Variants in ZDHHC13 observed in about 807,000 individuals in gnomAD.
The protein encoded by ZDHHC13 is palmitoyltransferase ZDHHC13.
Under a neutral mutation model 86.0 loss-of-function variants are expected in ZDHHC13, and 85 were observed. That is an observed-to-expected ratio of 0.99 (90% CI 0.83 to 1.18). The LOEUF is 1.18. Among genes scored for constraint, ZDHHC13 ranks in the 50% most tolerant of loss-of-function variants. The probability of loss-of-function intolerance (pLI) is 0.00; values close to 1 mark genes in which losing one functional copy is unlikely to be tolerated. For synonymous variants in ZDHHC13, 263 were observed against 246.4 expected (o/e 1.07, Z -0.63); for missense variants, 711 against 730.2 (o/e 0.97, Z 0.30).
At chr11:19,163,546 T>C (rs1849971739) in intron 11 of ZDHHC13, 119 bp downstream of exon 11, 12 of 1,033,646 alleles carry the variant, frequency 1.2e-5, no homozygotes, top group East Asian at 3.2e-5. Flanking sequence ...TGGGGTGATA[T>C]AGCAAAAATT....
chr11:19,140,674 C>T (rs1215349760), intron 1 of ZDHHC13, among the ~76,000 whole-genome samples: 1 of 151,902 alleles, frequency 6.6e-6, no homozygotes. Flanking sequence ...CCCAAATGTC[C>T]AACAATGATA....
At chr11:19,137,986 A>T (rs1849193217) in intron 1 of ZDHHC13, among the ~76,000 whole-genome samples, 4 of 150,608 alleles carry the variant, frequency 2.7e-5, no homozygotes, top group Non-Finnish European at 6.0e-5. Flanking sequence ...ACACCCTAAC[A>T]TCACAATTAA....
At chr11:19,141,429 A>C (rs1418551942) in intron 1 of ZDHHC13, among the ~76,000 whole-genome samples, 2 of 152,182 alleles carry the variant, frequency 1.3e-5, no homozygotes, top group African/African-American at 4.8e-5. Flanking sequence ...GTCTTTGTTT[A>C]GGGGTATTAA....
intron 12 of ZDHHC13, 51 bp downstream of exon 12, chr11:19,164,414 A>T: frequency 6.5e-7 from 1 of 1,548,184 alleles, no homozygotes; most frequent in South Asian, 1.1e-5. Flanking sequence ...AGTCTTGGTA[A>T]CGTTGCTGAT....
At chr11:19,133,920 C>CATATATATATATATATATATATAT (rs1554961794) in intron 1 of ZDHHC13, among the ~76,000 whole-genome samples, 18 of 83,384 alleles carry the variant, frequency 2.2e-4, no homozygotes, top group South Asian at 9.5e-4. Flanking sequence ...GAAAGAAGTC[C>CATATATATATATATATATATATAT]ATATATATAT....
intron 1 of ZDHHC13, among the ~76,000 whole-genome samples, chr11:19,137,080 T>G (rs1212679556): frequency 2.6e-5 from 4 of 151,874 alleles, no homozygotes; most frequent in African/African-American, 9.7e-5. Flanking sequence ...TAACTTTAAA[T>G]GTAAATGGAC....
intron 1 of ZDHHC13, among the ~76,000 whole-genome samples, chr11:19,140,984 G>A (rs1849302662): frequency 6.6e-6 from 1 of 151,576 alleles, no homozygotes; most frequent in African/African-American, 2.4e-5. Context: ...GTTAGTGGGT[G>A]CAGCGCACCG....
chr11:19,133,920 C>CATATATATAT lies in ZDHHC13; in HGVS notation c.28-9044_28-9035dup, dbSNP rs1554961794. Among the ~76,000 whole-genome samples, 125 of 83,414 alleles carry CATATATATAT rather than the reference C, an allele frequency of 1.5e-3. 4 individuals are homozygous for CATATATATAT. The East Asian group carries it at 0.018, about 12-fold the overall frequency. The allele number at this position is 83,414 out of a possible 152,430, so 54.7% of individuals were successfully genotyped here. On this transcript the variant is annotated intron_variant, in intron 1 of 16. Coordinates refer to ENST00000446113, the MANE Select transcript of ZDHHC13 (RefSeq NM_019028.3). Reference sequence around the variant, plus strand: ...TTCTTTACTCTTTACGAAAGAAGTCCATATATATATATATATATATATACA... The same window carrying CATATATATAT: ...TTCTTTACTCTTTACGAAAGAAGTCCATATATATATATATATATATATATATATATATACA...
chr11:19,169,832 T>C, intron 14 of ZDHHC13: 2 of 985,652 alleles, frequency 2.0e-6, no homozygotes, highest in Non-Finnish European at 2.4e-6. Context: ...TATATTCTTT[T>C]CCCAGGTGTA....
chr11:19,136,691 G>C (rs570992357), intron 1 of ZDHHC13, among the ~76,000 whole-genome samples: 1 of 152,214 alleles, frequency 6.6e-6, no homozygotes, highest in African/African-American at 2.4e-5. Flanking sequence ...TACCCACAAA[G>C]GGAAGCCCAT....
chr11:19,141,085 GAA>G, intron 1 of ZDHHC13, among the ~76,000 whole-genome samples: 1 of 149,440 alleles, frequency 6.7e-6, no homozygotes, highest in East Asian at 2.0e-4. Context: ...AAAAAAAAAA[GAA>G]AAAAAAGTAC....
chr11:19,140,897 C>T (rs1371940703), intron 1 of ZDHHC13, among the ~76,000 whole-genome samples: 1 of 122,218 alleles, frequency 8.2e-6, no homozygotes, highest in Non-Finnish European at 1.6e-5. Flanking sequence ...AGGGGAACAT[C>T]ATACTCTGGG....
intron 14 of ZDHHC13, chr11:19,167,755 C>T (rs567754030): frequency 1.3e-5 from 2 of 151,948 alleles, no homozygotes; most frequent in East Asian, 1.9e-4. Flanking sequence ...CACCAGTAAC[C>T]CTGAGCATTC....
At chr11:19,140,612 C>G in intron 1 of ZDHHC13, among the ~76,000 whole-genome samples, 1 of 152,068 alleles carries the variant, frequency 6.6e-6, no homozygotes, top group East Asian at 1.9e-4. Flanking sequence ...AAGACACATG[C>G]ACACGTATGT....
At chr11:19,139,641 A>G (rs1223609046) in intron 1 of ZDHHC13, among the ~76,000 whole-genome samples, 1 of 151,770 alleles carries the variant, frequency 6.6e-6, no homozygotes, top group African/African-American at 2.4e-5. Flanking sequence ...AGCTGGAGGC[A>G]TCACACTGCC....
chr11:19,164,277 T>C, intron 11 of ZDHHC13, 24 bp from the exon 12 acceptor site: 1 of 1,611,406 alleles, frequency 6.2e-7, no homozygotes, highest in Non-Finnish European at 8.5e-7. Context: ...AATGTGGTAA[T>C]AGGTCAAACT....
intron 11 of ZDHHC13, among the ~76,000 whole-genome samples, chr11:19,163,799 G>A (rs1473537238): frequency 6.6e-6 from 1 of 152,100 alleles, no homozygotes; most frequent in African/African-American, 2.4e-5. Context: ...TGGCTGAGGA[G>A]ATGCCCCTCC....
intron 2 of ZDHHC13, among the ~76,000 whole-genome samples, chr11:19,145,801 T>C (rs775655884): frequency 1.1e-4 from 16 of 152,226 alleles, no homozygotes; most frequent in Non-Finnish European, 2.1e-4. Flanking sequence ...TTTTAGTCTT[T>C]ATCCCTTATT....
rs1313233699 is a variant in ZDHHC13, at chr11:19,155,833, G to A, written c.911G>A (p.Trp304Ter). 1.2e-5 allele frequency: 19 copies of A among 1,612,676 alleles called. No individual in the cohort carries two copies. Among genetic ancestry groups the A allele is most frequent in the Non-Finnish European group, 1.6e-5 (19 of 1,179,704 alleles). Residue 304 changes from tryptophan (W) to a stop codon, truncating the protein, a stop_gained, in exon 9 of 17, where the codon TGG becomes TAG. Coordinates refer to ENST00000446113, the MANE Select transcript of ZDHHC13 (RefSeq NM_019028.3). LOFTEE classifies it high-confidence loss of function. ...LLLMLSVITMWAIGYILDFNS... is the reference protein window; with the variant it reads ...LLLMLSVITM The stretch of plus-strand genomic sequence containing the variant: ...CTGATGCTTTCTGTGATTACCATGT[G>A]GGCTATTGGATACATATTGGACTTC...
Sources: allele counts gnomAD v4.1 joint callset (sites outside exome capture counted in the v4.1 genomes callset), GRCh38; gene constraint gnomAD v4.1.1; transcripts MANE v1.5; gene names NCBI Gene and HGNC (gene_info 2026-07-23, HGNC 2026-07-21).